TRPS1: variants seen among roughly 807,000 people sequenced by gnomAD.
TRPS1 encodes zinc finger transcription factor Trps1.
In TRPS1, 6 loss-of-function variants were observed where a neutral mutation model predicts 101.2. That is an observed-to-expected ratio of 0.06 (90% CI 0.03 to 0.12). The LOEUF is 0.12. Among genes scored for constraint, TRPS1 ranks in the 10% least tolerant of loss-of-function variants. The probability of loss-of-function intolerance (pLI) is 1.00; values close to 1 mark genes in which losing one functional copy is unlikely to be tolerated. For synonymous variants in TRPS1, 578 were observed against 589.8 expected, an observed-to-expected ratio of 0.98 and a Z score of 0.29; for missense variants, 1,363 against 1,567.0, an observed-to-expected ratio of 0.87 and a Z score of 2.20.
chr8:115,587,033 T>C lies in TRPS1; in HGVS notation c.2668A>G (p.Lys890Glu). ...AGGGACTGGGATTCATCCTTGGACTTGTTTTCTCCCGATGCAGGATACTGC... is the reference window on the plus strand; with the variant it reads ...AGGGACTGGGATTCATCCTTGGACTCGTTTTCTCCCGATGCAGGATACTGC... ...PQQYPASGEN[K>E]SKDESQSLLR... The change falls in exon 5 of 7, where the codon AAG becomes GAG. Residue 890 changes from lysine to glutamate, a missense_variant. This residue lies in a region of TRPS1 where 22 missense variants were observed against 37.9 expected (regional missense o/e 0.58). Transcript: ENST00000395715. 6.2e-7 allele frequency: 1 copy of C among 1,614,194 alleles called. No homozygotes were observed. The highest frequency in any genetic ancestry group is 8.5e-7 in the Non-Finnish European group (1 of 1,180,020).
intron 5 of TRPS1, among the ~76,000 whole-genome samples, chr8:115,468,686 A>C (rs180789580): frequency 5.3e-4 from 81 of 152,342 alleles, no homozygotes; most frequent in Admixed American, 3.9e-3. Context: ...ATTCACCAGC[A>C]CAGCATTTCG....
intron 5 of TRPS1, among the ~76,000 whole-genome samples, chr8:115,567,048 C>T (rs980337338): frequency 2.6e-5 from 4 of 152,088 alleles, no homozygotes; most frequent in African/African-American, 9.7e-5. Context: ...ATTTACATTG[C>T]TTTCCCTGGA....
At chr8:115,594,798 A>G (rs1664148501) in intron 4 of TRPS1, among the ~76,000 whole-genome samples, 2 of 151,940 alleles carry the variant, frequency 1.3e-5, no homozygotes, top group Admixed American at 1.3e-4. Flanking sequence ...TTCTAGAAAA[A>G]AATCAGCTAA....
At chr8:115,535,632 T>C (rs896972655) in intron 5 of TRPS1, among the ~76,000 whole-genome samples, 1 of 149,934 alleles carries the variant, frequency 6.7e-6, no homozygotes, top group African/African-American at 2.4e-5. Context: ...GAGGCCGAGG[T>C]GGGCAGATCA....
chr8:115,661,054 T>C (rs1169489110), intron 1 of TRPS1, among the ~76,000 whole-genome samples: 1 of 152,014 alleles, frequency 6.6e-6, no homozygotes, highest in Non-Finnish European at 1.5e-5. Context: ...TAAAGTGATA[T>C]ACTCACAAAC....
chr8:115,574,857 T>C (rs987623932), intron 5 of TRPS1, among the ~76,000 whole-genome samples: 3 of 152,164 alleles, frequency 2.0e-5, no homozygotes, highest in African/African-American at 7.2e-5. Flanking sequence ...GATTCTTTGC[T>C]GCTGCTCAAG....
chr8:115,613,439 T>G (rs995615461), intron 3 of TRPS1, among the ~76,000 whole-genome samples: 2 of 152,204 alleles, frequency 1.3e-5, no homozygotes, highest in Non-Finnish European at 2.9e-5. Flanking sequence ...GAGCTCTGAT[T>G]TATGTCTTCT....
At chr8:115,461,566 T>A (rs1336231913) in intron 5 of TRPS1, among the ~76,000 whole-genome samples, 1 of 152,168 alleles carries the variant, frequency 6.6e-6, no homozygotes. Flanking sequence ...AGGCATTCCA[T>A]AAAGGTTTCT....
At chr8:115,569,812 A>G (rs1817157617) in intron 5 of TRPS1, among the ~76,000 whole-genome samples, 2 of 152,054 alleles carry the variant, frequency 1.3e-5, no homozygotes, top group Admixed American at 1.3e-4. Flanking sequence ...TTTTTGTTTC[A>G]ACACTTGCCA....
At chr8:115,497,838 C>T (rs530150004) in intron 5 of TRPS1, among the ~76,000 whole-genome samples, 2 of 152,246 alleles carry the variant, frequency 1.3e-5, no homozygotes, top group African/African-American at 4.8e-5. Context: ...GGGCATATAC[C>T]AATCAGGTGC....
Position 115,619,771 on chromosome 8 carries a change from G to A in TRPS1, c.327C>T (p.Asn109=). Residue 109 remains asparagine, a synonymous_variant, in exon 3 of 7, where the codon AAC becomes AAT. Transcript: ENST00000395715. ...FNYESPSKGG[N]FPSFPHDEVT... ...CCTCATCATGCGGAAAGGAGGGAAA[G>A]TTTCCTCCCTTACTGGGGCTTTCAT... 1 of 1,614,210 alleles carries A rather than the reference G, an allele frequency of 6.2e-7. No homozygotes were observed. Among genetic ancestry groups the A allele is most frequent in the Non-Finnish European group, 8.5e-7 (1 of 1,180,042 alleles).
chr8:115,550,684 T>C (rs1816683104), intron 5 of TRPS1, among the ~76,000 whole-genome samples: 1 of 152,210 alleles, frequency 6.6e-6, no homozygotes, highest in Admixed American at 6.5e-5. Context: ...TAAGAAATTC[T>C]TGACATTGAG....
intron 5 of TRPS1, among the ~76,000 whole-genome samples, chr8:115,573,891 T>C (rs551817702): frequency 1.3e-5 from 2 of 152,312 alleles, no homozygotes; most frequent in East Asian, 3.9e-4. Context: ...ATTCACCTGC[T>C]AAAAGTCCAG....
chr8:115,634,729 C>G (rs897149682), intron 1 of TRPS1, among the ~76,000 whole-genome samples: 8 of 151,978 alleles, frequency 5.3e-5, no homozygotes, highest in South Asian at 2.1e-4. Flanking sequence ...CCAAACAGTA[C>G]TTTTAATCCT....
chr8:115,516,146 CAAT>C (rs1272405422), intron 5 of TRPS1, among the ~76,000 whole-genome samples: 1 of 149,060 alleles, frequency 6.7e-6, no homozygotes, highest in African/African-American at 2.5e-5. Context: ...AATGTGTTAA[CAAT>C]GTTACTTTAA....
chr8:115,566,590 A>G (rs886927687), intron 5 of TRPS1, among the ~76,000 whole-genome samples: 8 of 151,948 alleles, frequency 5.3e-5, no homozygotes, highest in African/African-American at 1.9e-4. Flanking sequence ...GAAAATGGCA[A>G]TATTCCAGAA....
chr8:115,649,172 G>A (rs1305032165), intron 1 of TRPS1, among the ~76,000 whole-genome samples: 1 of 152,176 alleles, frequency 6.6e-6, no homozygotes, highest in East Asian at 1.9e-4. Context: ...AAAAACATTT[G>A]TTTAAATGTC....
intron 5 of TRPS1, among the ~76,000 whole-genome samples, chr8:115,492,739 A>T (rs762072166): frequency 5.3e-5 from 8 of 152,108 alleles, no homozygotes; most frequent in Non-Finnish European, 1.2e-4. Flanking sequence ...TTTGAGACAG[A>T]GTCTCACTCT....
chr8:115,589,303 T>G (rs564126628), intron 4 of TRPS1, among the ~76,000 whole-genome samples: 6 of 152,292 alleles, frequency 3.9e-5, no homozygotes, highest in African/African-American at 1.4e-4. Flanking sequence ...AATGCATGTT[T>G]TAATTACTCT....
Sources: allele counts gnomAD v4.1 joint callset (sites outside exome capture counted in the v4.1 genomes callset), GRCh38; gene constraint gnomAD v4.1.1; regional missense constraint gnomAD v4.1.1; transcripts MANE v1.5; gene names NCBI Gene and HGNC (gene_info 2026-07-23, HGNC 2026-07-21).